The following AOPEP variants were observed in gnomAD, a reference collection of about 807,000 sequenced individuals.
AOPEP encodes the protein aminopeptidase O (putative), also known as aminopeptidase O.
AOPEP carries 77 observed loss-of-function variants against 98.1 expected under a neutral mutation model. The ratio of observed to expected loss-of-function variants is 0.78; its 90% confidence interval spans 0.65 to 0.95. The LOEUF (loss-of-function observed/expected upper bound fraction) is 0.95, where lower values mean the gene tolerates loss of function less well. Ranked by LOEUF, AOPEP falls within the 40% of genes least tolerant of loss-of-function variation. AOPEP has a pLI of 0.00. For missense variants in AOPEP, 1,024 were observed against 1,024.7 expected (o/e 1.00, Z 0.01); for synonymous variants, 346 against 365.3 (o/e 0.95, Z 0.60).
rs72746568 is a variant in AOPEP, at chr9:94,826,878, G to T, written c.1364+25876G>T. Reference sequence around the variant, plus strand: ...GGTCATGGCAACAGTTGGGGCTATAGATTTCTGCCTGCCTGCCTGAGCTGT... The same window carrying T: ...GGTCATGGCAACAGTTGGGGCTATATATTTCTGCCTGCCTGCCTGAGCTGT... On this transcript the variant is annotated intron_variant, in intron 5 of 16. Coordinates refer to ENST00000375315, the MANE Select transcript of AOPEP (RefSeq NM_001193329.3). Among the ~76,000 whole-genome samples the T allele has an allele frequency of 5.3e-3, 800 of 152,256 alleles. 12 individuals are homozygous for T. The highest frequency in any genetic ancestry group is 0.044 in the South Asian group (210 of 4,826).
chr9:95,139,569 A>G, the AOPEP span, among the ~76,000 whole-genome samples: 15 of 152,078 alleles, frequency 9.9e-5, no homozygotes, highest in East Asian at 2.9e-3. Context: ...GTATGCCCCT[A>G]TTTCAAATGA....
intron 11 of AOPEP, among the ~76,000 whole-genome samples, chr9:94,993,673 C>T (rs1463918724): frequency 6.6e-6 from 1 of 152,156 alleles, no homozygotes; most frequent in Admixed American, 6.5e-5. Flanking sequence ...TTTCAAACCG[C>T]ACTGAGAGAC....
At chr9:95,069,379 G>C (rs1475285912) in intron 14 of AOPEP, among the ~76,000 whole-genome samples, 2 of 151,986 alleles carry the variant, frequency 1.3e-5, no homozygotes, top group Non-Finnish European at 2.9e-5. Context: ...AGCAAAGGCT[G>C]TGAGTTACAT....
At chr9:94,870,681 G>A (rs2135601457) in intron 5 of AOPEP, among the ~76,000 whole-genome samples, 1 of 152,344 alleles carries the variant, frequency 6.6e-6, no homozygotes, top group African/African-American at 2.4e-5. Context: ...GGTGCCAGGT[G>A]ATGACTAGAT....
intron 5 of AOPEP, among the ~76,000 whole-genome samples, chr9:94,909,959 G>A (rs1403335482): frequency 6.6e-6 from 1 of 152,122 alleles, no homozygotes; most frequent in East Asian, 1.9e-4. Context: ...TCGAGTGTCT[G>A]GGGATTCCAG....
the AOPEP span, among the ~76,000 whole-genome samples, chr9:95,143,304 A>G: frequency 6.6e-6 from 1 of 152,114 alleles, no homozygotes; most frequent in Non-Finnish European, 1.5e-5. Context: ...TGAACCCCAC[A>G]GTTTAGGTTT....
intron 7 of AOPEP, among the ~76,000 whole-genome samples, chr9:94,929,492 C>T (rs750777578): frequency 5.2e-4 from 79 of 152,390 alleles, no homozygotes; most frequent in Admixed American, 2.5e-3. Context: ...GCAAGCTGCA[C>T]CCTTCCCACA....
intron 5 of AOPEP, among the ~76,000 whole-genome samples, chr9:94,838,808 G>A (rs907726132): frequency 7.3e-5 from 11 of 150,334 alleles, no homozygotes; most frequent in Admixed American, 3.3e-4. Flanking sequence ...TCAGTGTTTT[G>A]TAATTTACAA....
chr9:95,073,592 C>A (rs1191760473), intron 14 of AOPEP, among the ~76,000 whole-genome samples: 1 of 152,164 alleles, frequency 6.6e-6, no homozygotes, highest in African/African-American at 2.4e-5. Context: ...CGCGGTGGCT[C>A]ACACCTGTAA....
At chr9:94,865,571 A>C (rs1457239381) in intron 5 of AOPEP, among the ~76,000 whole-genome samples, 1 of 152,212 alleles carries the variant, frequency 6.6e-6, no homozygotes, top group Non-Finnish European at 1.5e-5. Context: ...AACTGCTTTC[A>C]AGCCCACTTT....
chr9:94,990,110 T>C (rs933466678), intron 11 of AOPEP, among the ~76,000 whole-genome samples: 3 of 152,108 alleles, frequency 2.0e-5, no homozygotes, highest in Admixed American at 6.5e-5. Context: ...ACTGTAGAGG[T>C]TGATGTCTTG....
At chr9:95,121,374 C>T in the AOPEP span, among the ~76,000 whole-genome samples, 4 of 152,302 alleles carry the variant, frequency 2.6e-5, no homozygotes, top group Middle Eastern at 0.01. Context: ...GACATGAGTG[C>T]TTCTGATGAT....
intron 5 of AOPEP, among the ~76,000 whole-genome samples, chr9:94,859,557 C>A (rs1294325913): frequency 6.6e-6 from 1 of 152,194 alleles, no homozygotes; most frequent in African/African-American, 2.4e-5. Flanking sequence ...GTAACATTCA[C>A]AGTTCCAGGA....
chr9:94,836,802 A>G (rs1308345691), intron 5 of AOPEP, among the ~76,000 whole-genome samples: 1 of 149,522 alleles, frequency 6.7e-6, no homozygotes, highest in East Asian at 1.9e-4. Context: ...ATTTTCTACT[A>G]TGTTTTTACA....
intron 5 of AOPEP, among the ~76,000 whole-genome samples, chr9:94,839,688 T>A (rs1803931552): frequency 6.6e-6 from 1 of 152,242 alleles, no homozygotes; most frequent in South Asian, 2.1e-4. Flanking sequence ...TATATGACTT[T>A]TTCTTTTTCC....
At chr9:94,828,609 C>T (rs973670432) in intron 5 of AOPEP, among the ~76,000 whole-genome samples, 1 of 152,060 alleles carries the variant, frequency 6.6e-6, no homozygotes, top group Non-Finnish European at 1.5e-5. Flanking sequence ...AGAAGGTAGA[C>T]TTTTGGAGGA....
At chr9:94,943,919 CAAAAAAAAAAAAAAAA>C (rs775807087) in intron 7 of AOPEP, among the ~76,000 whole-genome samples, 3 of 17,396 alleles carry the variant, frequency 1.7e-4, no homozygotes, top group Admixed American at 1.1e-3. Context: ...GACTCCATCT[CAAAAAAAAAAAAAAAA>C]AAAAAAAAAA....
chr9:94,935,565 C>G (rs1465860170), intron 7 of AOPEP, among the ~76,000 whole-genome samples: 2 of 152,136 alleles, frequency 1.3e-5, no homozygotes, highest in African/African-American at 2.4e-5. Context: ...TGTACCCCTG[C>G]ACTTGTCTCA....
intron 13 of AOPEP, chr9:95,022,432 G>A (rs1023655758): frequency 6.6e-6 from 1 of 152,218 alleles, no homozygotes; most frequent in Admixed American, 6.5e-5. Flanking sequence ...CCACCTCTTG[G>A]GTTCAAGCGA....
Sources: allele counts gnomAD v4.1 joint callset (sites outside exome capture counted in the v4.1 genomes callset), GRCh38; gene constraint gnomAD v4.1.1; transcripts MANE v1.5; gene names NCBI Gene and HGNC (gene_info 2026-07-23, HGNC 2026-07-21).